Variants in KIF16B observed in about 807,000 individuals in gnomAD.
The protein encoded by KIF16B is kinesin family member 16B.
Under a neutral mutation model 156.3 loss-of-function variants are expected in KIF16B, and 98 were observed. That is an observed-to-expected ratio of 0.63 (90% CI 0.53 to 0.74). The LOEUF (loss-of-function observed/expected upper bound fraction) is 0.74, where lower values mean the gene tolerates loss of function less well. Among genes scored for constraint, KIF16B ranks in the 30% least tolerant of loss-of-function variants. The pLI, the probability that KIF16B is intolerant of heterozygous loss-of-function variation, is 0.00. For synonymous variants in KIF16B, 564 were observed against 583.7 expected (o/e 0.97, Z 0.49); for missense variants, 1,421 against 1,606.5 (o/e 0.88, Z 1.97).
intron 1 of KIF16B, among the ~76,000 whole-genome samples, chr20:16,570,599 T>C (rs2071417369): frequency 6.6e-6 from 1 of 152,236 alleles, no homozygotes. Flanking sequence ...AATTTATATA[T>C]CTCTTTCTAC....
In KIF16B at chr20:16,328,330, T is replaced by G. The variant is rs149436622; in HGVS notation, c.3711+7596A>C. 3.7e-3 allele frequency among the ~76,000 whole-genome samples: 561 copies of G among 152,302 alleles called. 3 individuals carry two copies. The highest frequency in any genetic ancestry group is 0.03 in the South Asian group (143 of 4,824). ...GTGGCTGATTGAGGCTGATTGTGTT[T>G]GAAACTTGGGGACTCTAATGACTCA... On this transcript the variant is annotated intron_variant, in intron 24 of 25. Coordinates refer to ENST00000354981, the MANE Select transcript of KIF16B (RefSeq NM_024704.5).
Position 16,370,707 on chromosome 20 carries a change from A to T in KIF16B, c.3448-71T>A, listed in dbSNP as rs1177422433. On this transcript the variant is annotated intron_variant, in intron 21 of 25. Transcript: ENST00000354981. ...CACGGGGCGGGGGACTGATTCGATT[A>T]CAAGTATTTATGGGAATGGAAATCT... 9 of 1,116,406 alleles carry T rather than the reference A, an allele frequency of 8.1e-6. No homozygotes were observed. In the East Asian group the frequency reaches 2.3e-4, roughly 29 times the overall value. The allele number at this position is 1,116,406 out of a possible 1,614,324, so 69.2% of individuals were successfully genotyped here.
At chr20:16,419,859 T>G (rs559403266) in intron 15 of KIF16B, among the ~76,000 whole-genome samples, 1 of 152,102 alleles carries the variant, frequency 6.6e-6, no homozygotes, top group Non-Finnish European at 1.5e-5. Context: ...ATATTAAGTA[T>G]ATAAAACAGA....
At chr20:16,354,563 A>G (rs2123134980) in intron 23 of KIF16B, among the ~76,000 whole-genome samples, 1 of 152,318 alleles carries the variant, frequency 6.6e-6, no homozygotes, top group East Asian at 1.9e-4. Context: ...GGAGATAGAT[A>G]TTAGGTCAGG....
intron 1 of KIF16B, among the ~76,000 whole-genome samples, chr20:16,546,218 A>C (rs984563708): frequency 6.6e-6 from 1 of 152,214 alleles, no homozygotes; most frequent in African/African-American, 2.4e-5. Context: ...GACTTTGGGT[A>C]CATTACATAA....
intron 21 of KIF16B, among the ~76,000 whole-genome samples, 166 bp downstream of exon 21, chr20:16,371,499 G>A (rs1017846693): frequency 4.7e-5 from 7 of 150,396 alleles, no homozygotes; most frequent in African/African-American, 1.5e-4. Context: ...GCTGAGGCAT[G>A]AGAGTTGTTT....
At chr20:16,479,097 T>C (rs1359874873) in intron 12 of KIF16B, among the ~76,000 whole-genome samples, 1 of 152,210 alleles carries the variant, frequency 6.6e-6, no homozygotes, top group Non-Finnish European at 1.5e-5. Context: ...TACAACTATG[T>C]ACAAAGACAT....
Position 16,507,917 on chromosome 20 carries a change from A to C in KIF16B, c.699+41T>G, listed in dbSNP as rs757183003. The C allele has an allele frequency of 7.4e-6, 12 of 1,610,868 alleles. No individual in the cohort carries two copies. In the Admixed American group the frequency reaches 1.5e-4, roughly 20 times the overall value. On this transcript the variant is annotated intron_variant, in intron 7 of 25. Coordinates refer to ENST00000354981, the MANE Select transcript of KIF16B (RefSeq NM_024704.5). ...AGCTGGTGCTAATCAGCAAGTAAAG[A>C]CCTCAGGGATGGAGCCAGCTGGTCC...
intron 12 of KIF16B, among the ~76,000 whole-genome samples, chr20:16,464,514 A>G (rs2067433146): frequency 6.6e-6 from 1 of 152,210 alleles, no homozygotes; most frequent in African/African-American, 2.4e-5. Context: ...AAATATCAAT[A>G]TTTACAATCC....
At chr20:16,532,331 A>G (rs2147178394) in intron 1 of KIF16B, among the ~76,000 whole-genome samples, 1 of 152,284 alleles carries the variant, frequency 6.6e-6, no homozygotes, top group African/African-American at 2.4e-5. Context: ...CAAAATAAAT[A>G]TCAGTTGTGA....
At chr20:16,431,260 G>T (rs959513201) in intron 12 of KIF16B, among the ~76,000 whole-genome samples, 1 of 152,152 alleles carries the variant, frequency 6.6e-6, no homozygotes, top group African/African-American at 2.4e-5. Flanking sequence ...CAGCCAGAAG[G>T]CCATCAGGGC....
chr20:16,563,827 A>G (rs1040099118), intron 1 of KIF16B, among the ~76,000 whole-genome samples: 1 of 152,208 alleles, frequency 6.6e-6, no homozygotes. Flanking sequence ...TTTGCACACA[A>G]AGATATTTTA....
At chr20:16,376,779 T>G (rs1294165835) in intron 19 of KIF16B, among the ~76,000 whole-genome samples, 1 of 152,216 alleles carries the variant, frequency 6.6e-6, no homozygotes, top group Non-Finnish European at 1.5e-5. Context: ...TAAAAGCTCA[T>G]GCTGCATTCT....
chr20:16,437,472 G>C (rs1803924958), intron 12 of KIF16B, among the ~76,000 whole-genome samples: 1 of 152,188 alleles, frequency 6.6e-6, no homozygotes, highest in Non-Finnish European at 1.5e-5. Flanking sequence ...AGGATGTATA[G>C]GGTGAATAAG....
chr20:16,553,033 T>A (rs1041867977), intron 1 of KIF16B, among the ~76,000 whole-genome samples: 1 of 152,172 alleles, frequency 6.6e-6, no homozygotes, highest in Non-Finnish European at 1.5e-5. Flanking sequence ...CCCAAAGTGC[T>A]GGGATTACAG....
Position 16,338,621 on chromosome 20 carries a change from T to C in KIF16B, c.3622-2606A>G, listed in dbSNP as rs565279077. 5.3e-5 allele frequency among the ~76,000 whole-genome samples: 8 copies of C among 152,326 alleles called. No individual in the cohort carries two copies. The South Asian group carries it at 1.7e-3, about 32-fold the overall frequency. Reference sequence around the variant, plus strand: ...ACAAAACCTCAAATCTGTCCCACTCTTGAAATTCTCTGGACAAAAATAACT... The same window carrying C: ...ACAAAACCTCAAATCTGTCCCACTCCTGAAATTCTCTGGACAAAAATAACT... On this transcript the variant is annotated intron_variant, in intron 23 of 25. Coordinates refer to ENST00000354981, the MANE Select transcript of KIF16B (RefSeq NM_024704.5).
Position 16,338,725 on chromosome 20 carries a change from G to A in KIF16B, c.3622-2710C>T, listed in dbSNP as rs181489505. 2.0e-4 allele frequency among the ~76,000 whole-genome samples: 31 copies of A among 152,220 alleles called. 1 individual carries two copies. The East Asian group carries it at 5.6e-3, about 28-fold the overall frequency. The stretch of plus-strand genomic sequence containing the variant: ...GCAGAATGGGGCTGAGGAATAACAC[G>A]CCACCAAACAGACTGATCTCATTTT... On this transcript the variant is annotated intron_variant, in intron 23 of 25. Coordinates refer to ENST00000354981, the MANE Select transcript of KIF16B (RefSeq NM_024704.5).
intron 12 of KIF16B, among the ~76,000 whole-genome samples, chr20:16,489,652 G>A (rs569148603): frequency 1.3e-5 from 2 of 151,112 alleles, no homozygotes; most frequent in South Asian, 2.1e-4. Flanking sequence ...AGCCAAGATC[G>A]CACCACTGCA....
chr20:16,518,354 C>G (rs150639444), intron 3 of KIF16B, among the ~76,000 whole-genome samples: 1 of 152,180 alleles, frequency 6.6e-6, no homozygotes, highest in South Asian at 2.1e-4. Flanking sequence ...TGCTCTTCCC[C>G]GCTGGCATCA....
Sources: gnomAD v4.1 joint callset for allele counts (sites outside exome capture counted in the v4.1 genomes callset) on GRCh38, gnomAD v4.1.1 for gene constraint, MANE v1.5 for transcripts, NCBI Gene and HGNC (gene_info 2026-07-23, HGNC 2026-07-21) for gene names.